Variants in EPHA5 observed in about 807,000 individuals in gnomAD.
The protein encoded by EPHA5 is ephrin type-A receptor 5.
A neutral mutation model predicts 105.0 loss-of-function variants in EPHA5; 60 were observed. That is an observed-to-expected ratio of 0.57 (90% confidence interval 0.46 to 0.71). The LOEUF is 0.71. EPHA5 is among the 30% of genes least tolerant of loss of function. EPHA5 has a pLI of 0.00. For synonymous variants in EPHA5, 513 were observed against 449.1 expected (o/e 1.14, Z -1.80); for missense variants, 1,218 against 1,274.7 (o/e 0.96, Z 0.68).
intron 3 of EPHA5, among the ~76,000 whole-genome samples, chr4:65,557,165 G>GGGGAA (rs1381393582): frequency 1.3e-5 from 2 of 148,294 alleles, no homozygotes; most frequent in African/African-American, 2.5e-5. Context: ...AACCAGATTT[G>GGGGAA]GGGACGGGGC....
In EPHA5 at chr4:65,391,380, AACAT is replaced by A. The variant is rs1412972740; in HGVS notation, c.1793+12990_1793+12993del. ...GAGATTGAGTTGCTGATCTATTAGA[AACAT>A]TTTCTTTTTTTCCTGGTTCATGTAA... is the stretch of plus-strand genomic sequence containing the variant. On this transcript the variant is annotated intron_variant, in intron 8 of 16. Transcript: ENST00000613740. 2.0e-5 allele frequency among the ~76,000 whole-genome samples: 3 copies of A among 152,232 alleles called. No homozygotes were observed. The East Asian group carries it at 5.8e-4, about 29-fold the overall frequency.
intron 8 of EPHA5, among the ~76,000 whole-genome samples, chr4:65,384,234 C>T (rs1009573704): frequency 6.6e-6 from 1 of 151,926 alleles, no homozygotes; most frequent in Non-Finnish European, 1.5e-5. Flanking sequence ...TATCTTCACC[C>T]TCAAGGTGTA....
At position 65,321,182 on chromosome 4, in the gene EPHA5, T is replaced by G. The variant is rs1719611953; in HGVS notation, c.*2932A>C. 8.7e-6 allele frequency: 2 copies of G among 230,732 alleles called. No individual in the cohort carries two copies. The highest frequency in any genetic ancestry group is 1.2e-4 in the East Asian group (2 of 16,358). 14.3% of individuals were successfully genotyped at this position (230,732 alleles called of 1,614,324 possible). ...AATACTGTGAAAGACTCATGCCCCT[T>G]AAGATATTGCTACTGGCAATTACAA... On this transcript the variant is annotated 3_prime_UTR_variant, in exon 17 of 17. Coordinates refer to ENST00000613740, the MANE Select transcript of EPHA5 (RefSeq NM_001281766.3).
rs980060043 is a variant in EPHA5 at position 65,320,712 on chromosome 4, T to C, written c.*3402A>G. 8.7e-6 allele frequency: 2 copies of C among 230,174 alleles called. No homozygotes were observed. The highest frequency in any genetic ancestry group is 4.4e-5 in the African/African-American group (2 of 45,150). The allele number at this position is 230,174 out of a possible 1,614,324, so 14.3% of individuals were successfully genotyped here. On this transcript the variant is annotated 3_prime_UTR_variant, in exon 17 of 17. Transcript: ENST00000613740. ...TGAAAACACATAAGTGCTCAAATGA[T>C]ATTAACTTTCCATTTTAAACTTGAA...
chr4:65,607,286 A>T (rs1744323982), intron 2 of EPHA5, among the ~76,000 whole-genome samples: 1 of 152,120 alleles, frequency 6.6e-6, no homozygotes, highest in African/African-American at 2.4e-5. Flanking sequence ...ATTCATAACT[A>T]AAACACCAAA....
At chr4:65,496,211 TC>T (rs1731916156) in intron 3 of EPHA5, among the ~76,000 whole-genome samples, 1 of 152,160 alleles carries the variant, frequency 6.6e-6, no homozygotes, top group African/African-American at 2.4e-5. Flanking sequence ...TATAATGATT[TC>T]TTAAGTTCAA....
At chr4:65,362,794 A>C (rs538358101) in intron 11 of EPHA5, among the ~76,000 whole-genome samples, 59 of 151,834 alleles carry the variant, frequency 3.9e-4, no homozygotes, top group African/African-American at 1.4e-3. Flanking sequence ...TTTGTAATAA[A>C]GGTCTGTAAA....
chr4:65,533,221 G>A lies in EPHA5; in HGVS notation c.911-37678C>T, dbSNP rs114622343. ...TCTCCTTGGTAGGCTTGCTGCTTAAGGCTTAAGGAATGTTAAAAAAATTAA... is the reference window on the plus strand; with the variant it reads ...TCTCCTTGGTAGGCTTGCTGCTTAAAGCTTAAGGAATGTTAAAAAAATTAA... On this transcript the variant is annotated intron_variant, in intron 3 of 16. Coordinates refer to ENST00000613740, the MANE Select transcript of EPHA5 (RefSeq NM_001281766.3). Among the ~76,000 whole-genome samples, 1,201 of 152,072 alleles carry A rather than the reference G, an allele frequency of 7.9e-3. 15 individuals carry two copies. Among genetic ancestry groups the A allele is most frequent in the African/African-American group, 0.027 (1,116 of 41,482 alleles).
chr4:65,355,638 T>G (rs1723228687), intron 11 of EPHA5, among the ~76,000 whole-genome samples: 1 of 151,524 alleles, frequency 6.6e-6, no homozygotes, highest in Non-Finnish European at 1.5e-5. Flanking sequence ...GGCACGGGTA[T>G]CTATATGTCA....
chr4:65,608,452 C>A (rs1343036010), intron 2 of EPHA5, among the ~76,000 whole-genome samples: 1 of 150,938 alleles, frequency 6.6e-6, no homozygotes, highest in East Asian at 2.0e-4. Flanking sequence ...TGCAGTGAGC[C>A]GAGATTGCGC....
chr4:65,517,629 A>T (rs1022019471), intron 3 of EPHA5, among the ~76,000 whole-genome samples: 6 of 151,832 alleles, frequency 4.0e-5, no homozygotes, highest in African/African-American at 1.2e-4. Flanking sequence ...TGGAATACTG[A>T]ATAATTTTCA....
chr4:65,438,778 G>A (rs957167279), intron 5 of EPHA5, among the ~76,000 whole-genome samples: 2 of 151,578 alleles, frequency 1.3e-5, no homozygotes, highest in African/African-American at 2.4e-5. Context: ...AAAAAAAATA[G>A]CAAGAATGTC....
At chr4:65,462,309 T>G (rs1728204213) in intron 5 of EPHA5, among the ~76,000 whole-genome samples, 1 of 152,202 alleles carries the variant, frequency 6.6e-6, no homozygotes. Flanking sequence ...GAATAATTTT[T>G]ATTTTATTCT....
intron 1 of EPHA5, among the ~76,000 whole-genome samples, chr4:65,648,251 T>C (rs560808764): frequency 3.3e-5 from 5 of 152,234 alleles, no homozygotes; most frequent in African/African-American, 7.2e-5. Context: ...CTTCAATGAT[T>C]ATAACTTTCA....
chr4:65,454,288 AATAAATAAT>A (rs1727357997), intron 5 of EPHA5, among the ~76,000 whole-genome samples: 1 of 141,474 alleles, frequency 7.1e-6, no homozygotes, highest in Admixed American at 6.9e-5. Context: ...CTCTAATAAT[AATAAATAAT>A]AATAATAATA....
chr4:65,468,255 T>C (rs1299144445), intron 5 of EPHA5, among the ~76,000 whole-genome samples: 6 of 151,786 alleles, frequency 4.0e-5, no homozygotes, highest in Admixed American at 3.9e-4. Context: ...TGAGCAAAAA[T>C]AAATGGTTAT....
At chr4:65,324,327 G>T in intron 16 of EPHA5, 108 bp from the exon 17 acceptor site, 1 of 672,946 alleles carries the variant, frequency 1.5e-6, no homozygotes, top group Non-Finnish European at 2.6e-6. Context: ...TTAGATTACA[G>T]TCCTAATTTA....
intron 3 of EPHA5, among the ~76,000 whole-genome samples, chr4:65,545,175 G>A (rs1335991472): frequency 6.6e-6 from 1 of 151,880 alleles, no homozygotes; most frequent in Non-Finnish European, 1.5e-5. Flanking sequence ...CTAACTGAAA[G>A]TAATATGACA....
chr4:65,662,989 G>T (rs1482374162), intron 1 of EPHA5, among the ~76,000 whole-genome samples: 2 of 152,058 alleles, frequency 1.3e-5, no homozygotes, highest in Non-Finnish European at 2.9e-5. Flanking sequence ...CATGCCCTAG[G>T]TTCTACTTTT....
Sources: gnomAD v4.1 joint callset for allele counts (sites outside exome capture counted in the v4.1 genomes callset) on GRCh38, gnomAD v4.1.1 for gene constraint, MANE v1.5 for transcripts, NCBI Gene and HGNC (gene_info 2026-07-23, HGNC 2026-07-21) for gene names.